CFAP100: variants seen among roughly 807,000 people sequenced by gnomAD.
The protein encoded by CFAP100 is cilia and flagella associated protein 100, also known as cilia- and flagella-associated protein 100.
In CFAP100, 70 loss-of-function variants were observed where a neutral mutation model predicts 81.5. That is an observed-to-expected ratio of 0.86 (90% confidence interval 0.71 to 1.05). The LOEUF (loss-of-function observed/expected upper bound fraction) is 1.05, where lower values mean the gene tolerates loss of function less well. Ranked by LOEUF, CFAP100 falls within the 50% of genes least tolerant of loss-of-function variation. The pLI, the probability that CFAP100 is intolerant of heterozygous loss-of-function variation, is 0.00. For missense variants in CFAP100, 811 were observed against 776.5 expected (o/e 1.04, Z -0.53); for synonymous variants, 341 against 314.8 (o/e 1.08, Z -0.88).
intron 2 of CFAP100, among the ~76,000 whole-genome samples, chr3:126,399,601 A>G (rs2107582014): frequency 6.6e-6 from 1 of 152,320 alleles, no homozygotes; most frequent in Non-Finnish European, 1.5e-5. Flanking sequence ...TTCACCAGCA[A>G]TGAATAGCCC....
intron 3 of CFAP100, 80 bp downstream of exon 3, chr3:126,407,332 C>A: frequency 1.1e-6 from 1 of 887,104 alleles, no homozygotes; most frequent in East Asian, 2.5e-5. Flanking sequence ...CCCCTCAGAC[C>A]AGGTCTCTAG....
chr3:126,434,814 A>G (rs1933380099), intron 15 of CFAP100, among the ~76,000 whole-genome samples: 2 of 152,192 alleles, frequency 1.3e-5, no homozygotes, highest in Non-Finnish European at 2.9e-5. Flanking sequence ...GGCAGCTGCC[A>G]GCACCCAGGA....
chr3:126,416,186 G>T, intron 4 of CFAP100, 130 bp from the exon 5 acceptor site: 1 of 672,942 alleles, frequency 1.5e-6, no homozygotes, highest in Non-Finnish European at 2.4e-6. Flanking sequence ...CTCTCAGCCC[G>T]GGACAGCAGT....
Position 126,419,062 on chromosome 3 carries a change from CG to C in CFAP100, c.651-13del. 3 of 1,492,250 alleles carry C rather than the reference CG, an allele frequency of 2.0e-6. No individual in the cohort carries two copies. Among genetic ancestry groups the C allele is most frequent in the African/African-American group, 1.4e-5 (1 of 71,362 alleles). The allele number at this position is 1,492,250 out of a possible 1,614,324, so 92.4% of individuals were successfully genotyped here. On this transcript the variant is annotated splice_polypyrimidine_tract_variant and intron_variant, in intron 7 of 16. Coordinates refer to ENST00000352312, the MANE Select transcript of CFAP100 (RefSeq NM_182628.3). ...CTTGCCCCCATCCCTCCTCCCCCGC[CG>C]CCCAACCCCTAGGGCTGAGAAGGAG... is the stretch of plus-strand genomic sequence containing the variant.
chr3:126,415,397 C>A (rs2083220321), intron 4 of CFAP100, among the ~76,000 whole-genome samples: 1 of 151,896 alleles, frequency 6.6e-6, no homozygotes, highest in Non-Finnish European at 1.5e-5. Context: ...TACCCTCCCC[C>A]ACCCAGCATC....
intron 3 of CFAP100, among the ~76,000 whole-genome samples, chr3:126,413,501 C>G (rs965011258): frequency 2.0e-4 from 30 of 152,234 alleles, no homozygotes; most frequent in Admixed American, 2.0e-4. Context: ...CTGGCATCAG[C>G]TCCGTCTCTG....
chr3:126,395,070 G>T, intron 1 of CFAP100, 92 bp downstream of exon 1: 1 of 152,586 alleles, frequency 6.6e-6, no homozygotes, highest in South Asian at 2.0e-4. Flanking sequence ...AGGGCCCGAG[G>T]GGCGCGCGTG....
chr3:126,396,974 A>T lies in CFAP100; in HGVS notation c.49+925A>T, dbSNP rs1000310973. On this transcript the variant is annotated intron_variant, in intron 2 of 16. Coordinates refer to ENST00000352312, the MANE Select transcript of CFAP100 (RefSeq NM_182628.3). Reference sequence around the variant, plus strand: ...AAGCCTCTCCCACCCTGTCAAAGGCATACAGTGCCCCTTCCTTAGAGATGG... The same window carrying T: ...AAGCCTCTCCCACCCTGTCAAAGGCTTACAGTGCCCCTTCCTTAGAGATGG... Among the ~76,000 whole-genome samples the T allele has an allele frequency of 2.0e-5, 3 of 152,346 alleles. No individual in the cohort carries two copies. In the South Asian group the frequency reaches 6.2e-4, roughly 32 times the overall value.
At chr3:126,425,081 C>T (rs769793792) in intron 13 of CFAP100, among the ~76,000 whole-genome samples, 16 of 152,248 alleles carry the variant, frequency 1.1e-4, no homozygotes, top group Non-Finnish European at 2.2e-4. Flanking sequence ...TGGGAGGTGA[C>T]AGACACAGAG....
intron 3 of CFAP100, among the ~76,000 whole-genome samples, chr3:126,410,719 C>A (rs1459412866): frequency 6.6e-6 from 1 of 152,168 alleles, no homozygotes; most frequent in Non-Finnish European, 1.5e-5. Flanking sequence ...CATTTTAATG[C>A]AGAATAGCAA....
Position 126,434,229 on chromosome 3 carries a change from C to T in CFAP100, c.1476C>T (p.Cys492=), listed in dbSNP as rs763938489. 3 of 1,613,886 alleles carry T rather than the reference C, an allele frequency of 1.9e-6. No individual in the cohort carries two copies. The Admixed American group carries it at 5.0e-5, about 27-fold the overall frequency. The part of the protein sequence containing the change: ...NCKVLDVYRH[C]TGTQQEANLG... ...AGGTGCTGGATGTGTACCGGCACTG[C>T]ACCGGCACCCAGCAGGAGGCCAACC... The change falls in exon 15 of 17, where the codon TGC becomes TGT. Residue 492 remains cysteine, a synonymous_variant. Coordinates refer to ENST00000352312, the MANE Select transcript of CFAP100 (RefSeq NM_182628.3).
At chr3:126,402,550 G>T (rs894716209) in intron 2 of CFAP100, among the ~76,000 whole-genome samples, 2 of 151,854 alleles carry the variant, frequency 1.3e-5, no homozygotes, top group Non-Finnish European at 2.9e-5. Context: ...CCTGGCTCTG[G>T]GGGGATAGGG....
chr3:126,432,342 GAT>G lies in CFAP100; in HGVS notation c.1287-720_1287-719del, dbSNP rs369432883. On this transcript the variant is annotated intron_variant, in intron 13 of 16. Coordinates refer to ENST00000352312, the MANE Select transcript of CFAP100 (RefSeq NM_182628.3). ...GGTGAATGTTGAAATTCTGCTCCTAGATATATATTCGTGAGAATTGAAAACAT... is the reference window on the plus strand; with the variant it reads ...GGTGAATGTTGAAATTCTGCTCCTAGATATATTCGTGAGAATTGAAAACAT... Among the ~76,000 whole-genome samples, 174 of 146,576 alleles carry G rather than the reference GAT, an allele frequency of 1.2e-3. 1 individual carries two copies. The highest frequency in any genetic ancestry group is 4.2e-3 in the African/African-American group (166 of 39,558).
At chr3:126,397,513 A>G (rs764630356) in intron 2 of CFAP100, among the ~76,000 whole-genome samples, 1 of 152,236 alleles carries the variant, frequency 6.6e-6, no homozygotes, top group Non-Finnish European at 1.5e-5. Context: ...CATGTAAACT[A>G]TATTGATTTG....
intron 5 of CFAP100, among the ~76,000 whole-genome samples, chr3:126,417,113 A>C (rs1381277860): frequency 6.6e-6 from 1 of 152,196 alleles, no homozygotes; most frequent in Non-Finnish European, 1.5e-5. Context: ...TTCCTAAGAA[A>C]GAGCATGGAG....
rs143872421 is a variant in CFAP100, at chr3:126,418,501, G to A, written c.462G>A (p.Gln154=). The change falls in exon 6 of 17, where the codon CAG becomes CAA. Residue 154 remains glutamine, a synonymous_variant. Coordinates refer to ENST00000352312, the MANE Select transcript of CFAP100 (RefSeq NM_182628.3). ...AGAACATGAGTGGCTACATTAAGCA[G>A]AAGCGGCAAATGTTCCTCCTCCAGG... ...EPENMSGYIK[Q]KRQMFLLQYA... 6.1e-5 allele frequency: 98 copies of A among 1,614,140 alleles called. No homozygotes were observed. The African/African-American group carries it at 9.5e-4, about 16-fold the overall frequency.
intron 2 of CFAP100, among the ~76,000 whole-genome samples, chr3:126,405,889 A>T (rs2083055182): frequency 6.6e-6 from 1 of 151,998 alleles, no homozygotes; most frequent in Non-Finnish European, 1.5e-5. Context: ...CTGGGCTCAA[A>T]GGATCCTCCC....
At chr3:126,409,328 A>C (rs2083118850) in intron 3 of CFAP100, among the ~76,000 whole-genome samples, 1 of 152,242 alleles carries the variant, frequency 6.6e-6, no homozygotes, top group African/African-American at 2.4e-5. Context: ...ACCTAGCCAG[A>C]GTCCCTTCTG....
intron 7 of CFAP100, 25 bp from the exon 8 acceptor site, chr3:126,419,051 T>TCCCCCCCCCCCCCACC: frequency 4.0e-6 from 1 of 249,586 alleles, no homozygotes; most frequent in South Asian, 3.8e-5. Flanking sequence ...CCCCCATCCC[T>TCCCCCCCCCCCCCACC]CCTCCCCCGC....
Sources: allele counts gnomAD v4.1 joint callset (sites outside exome capture counted in the v4.1 genomes callset), GRCh38; gene constraint gnomAD v4.1.1; transcripts MANE v1.5; gene names NCBI Gene and HGNC (gene_info 2026-07-23, HGNC 2026-07-21).